Variants in FGFR2 observed in about 807,000 individuals in gnomAD.
The protein encoded by FGFR2 is fibroblast growth factor receptor 2.
FGFR2 carries 19 observed loss-of-function variants against 95.9 expected under a neutral mutation model. The observed-to-expected ratio is 0.20, with a 90% CI of 0.14 to 0.29. The LOEUF is 0.29. FGFR2 is among the 10% of genes least tolerant of loss of function. FGFR2 has a pLI of 1.00. For synonymous variants in FGFR2, 392 were observed against 393.3 expected (o/e 1.00, Z 0.04); for missense variants, 707 against 1,056.9 (o/e 0.67, Z 4.59).
Position 121,483,362 on chromosome 10 carries a change from A to T in FGFR2, c.2301+336T>A, listed in dbSNP as rs556088426. On this transcript the variant is annotated intron_variant, in intron 17 of 17. Coordinates refer to ENST00000358487, the MANE Select transcript of FGFR2 (RefSeq NM_000141.5). ...CAGAATCAAACTTGCACAGGAATCC[A>T]AGCTTTTTCCCATGCACACCAAAAT... Among the ~76,000 whole-genome samples the T allele has an allele frequency of 9.2e-5, 14 of 152,330 alleles. No individual in the cohort carries two copies. The South Asian group carries it at 2.9e-3, about 32-fold the overall frequency.
intron 6 of FGFR2, among the ~76,000 whole-genome samples, chr10:121,521,173 A>G (rs1039609552): frequency 1.3e-5 from 2 of 152,216 alleles, no homozygotes; most frequent in Non-Finnish European, 2.9e-5. Flanking sequence ...TTCTTAGCTT[A>G]TTCCAATATG....
intron 2 of FGFR2, among the ~76,000 whole-genome samples, chr10:121,576,205 A>G (rs1859727551): frequency 6.6e-6 from 1 of 152,184 alleles, no homozygotes; most frequent in Non-Finnish European, 1.5e-5. Context: ...AAATAAATAA[A>G]TAAATCGAGT....
chr10:121,524,929 C>T (rs1224325582), intron 6 of FGFR2, among the ~76,000 whole-genome samples: 1 of 152,168 alleles, frequency 6.6e-6, no homozygotes, highest in East Asian at 1.9e-4. Flanking sequence ...TATCTCTGGG[C>T]GAGAGACTAA....
rs1387680780 is a variant in FGFR2 at position 121,517,730 on chromosome 10, C to T, written c.940-267G>A. Among the ~76,000 whole-genome samples the T allele has an allele frequency of 6.6e-6, 1 of 152,088 alleles. No individual in the cohort carries two copies. The highest frequency in any genetic ancestry group is 2.1e-4 in the South Asian group (1 of 4,806). ...TGGAAAAAATCAACCCACAGAGGTCCGTTCTCTTGGCCTGTGCTTTGGTTT... is the reference window on the plus strand; with the variant it reads ...TGGAAAAAATCAACCCACAGAGGTCTGTTCTCTTGGCCTGTGCTTTGGTTT... On this transcript the variant is annotated intron_variant, in intron 7 of 17. Coordinates refer to ENST00000358487, the MANE Select transcript of FGFR2 (RefSeq NM_000141.5). The surrounding 1 kb of genome is among the most constrained non-coding windows in gnomAD (Gnocchi z 4.7).
chr10:121,596,506 A>T (rs1223234604), intron 1 of FGFR2: 1 of 193,444 alleles, frequency 5.2e-6, no homozygotes, highest in Non-Finnish European at 1.1e-5. Context: ...TAGATTTCAC[A>T]TCAGGAAAGT....
At chr10:121,544,581 T>C (rs1854239943) in intron 5 of FGFR2, among the ~76,000 whole-genome samples, 1 of 150,532 alleles carries the variant, frequency 6.6e-6, no homozygotes, top group Admixed American at 6.6e-5. Flanking sequence ...AAAGGAAAAA[T>C]ATCCTGATTT....
intron 2 of FGFR2, among the ~76,000 whole-genome samples, chr10:121,567,248 A>G (rs1405994705): frequency 6.6e-6 from 1 of 152,204 alleles, no homozygotes; most frequent in African/African-American, 2.4e-5. Context: ...CACCATCAAC[A>G]GCCACACAGG....
chr10:121,497,225 T>C (rs1434310644), intron 12 of FGFR2, among the ~76,000 whole-genome samples: 1 of 150,814 alleles, frequency 6.6e-6, no homozygotes, highest in Non-Finnish European at 1.5e-5. Context: ...TCCAAAATGA[T>C]AAATAAGCCC....
chr10:121,583,827 A>G (rs1158786989), intron 2 of FGFR2, among the ~76,000 whole-genome samples: 1 of 151,970 alleles, frequency 6.6e-6, no homozygotes, highest in African/African-American at 2.4e-5. Flanking sequence ...TCACCCAAAG[A>G]CCTGGGCCCA....
intron 2 of FGFR2, among the ~76,000 whole-genome samples, chr10:121,586,185 G>C (rs1289726931): frequency 6.6e-6 from 1 of 152,100 alleles, no homozygotes; most frequent in Non-Finnish European, 1.5e-5. Flanking sequence ...GGAGCTCAAG[G>C]GTTCGAAAAT....
chr10:121,528,049 C>T (rs1003756614), intron 6 of FGFR2: 1 of 152,166 alleles, frequency 6.6e-6, no homozygotes, highest in African/African-American at 2.4e-5. Flanking sequence ...TAGGTATACC[C>T]TCTTATTACA....
rs2433758 is a variant in FGFR2, at chr10:121,491,802, A to G, written c.1864-3689T>C. On this transcript the variant is annotated intron_variant, in intron 13 of 17. Transcript: ENST00000358487. ...GGAGAATCGCTAGAACCTGGGAGGCAGAGGCTGCAGTGAGCCGAGATAGCG... is the reference window on the plus strand; with the variant it reads ...GGAGAATCGCTAGAACCTGGGAGGCGGAGGCTGCAGTGAGCCGAGATAGCG... Among the ~76,000 whole-genome samples, 294 of 150,736 alleles carry G rather than the reference A, an allele frequency of 2.0e-3. 1 individual carries two copies. The highest frequency in any genetic ancestry group is 6.2e-3 in the African/African-American group (255 of 41,060).
intron 5 of FGFR2, among the ~76,000 whole-genome samples, chr10:121,546,011 T>C (rs1338377383): frequency 6.6e-6 from 1 of 152,082 alleles, no homozygotes; most frequent in Non-Finnish European, 1.5e-5. Context: ...CACTTCGAAG[T>C]GGCATAAAAG....
intron 9 of FGFR2, among the ~76,000 whole-genome samples, chr10:121,511,809 T>C (rs1325310253): frequency 1.3e-5 from 2 of 152,218 alleles, no homozygotes; most frequent in Admixed American, 1.3e-4. Flanking sequence ...TCACGCTTAC[T>C]AGGAAATGAT....
chr10:121,511,624 C>T (rs1187190612), intron 9 of FGFR2, among the ~76,000 whole-genome samples: 4 of 152,144 alleles, frequency 2.6e-5, no homozygotes, highest in Admixed American at 1.3e-4. Context: ...ACTCGCTGGG[C>T]ACCAAAGGAG....
At chr10:121,529,134 A>C (rs1314158534) in intron 6 of FGFR2, among the ~76,000 whole-genome samples, 1 of 151,934 alleles carries the variant, frequency 6.6e-6, no homozygotes, top group Non-Finnish European at 1.5e-5. Context: ...TTTGAGAAGG[A>C]GTCTCACTCT....
At chr10:121,560,237 C>A (rs771968881) in intron 4 of FGFR2, among the ~76,000 whole-genome samples, 1 of 152,102 alleles carries the variant, frequency 6.6e-6, no homozygotes, top group East Asian at 1.9e-4. Flanking sequence ...GTGGCATGGA[C>A]GGAACCAGCA....
intron 3 of FGFR2, among the ~76,000 whole-genome samples, 162 bp downstream of exon 3, chr10:121,565,276 C>T (rs761412650): frequency 2.0e-5 from 3 of 151,598 alleles, no homozygotes; most frequent in Non-Finnish European, 4.4e-5. Context: ...TCTTAATGAT[C>T]GGCCTTTCTG....
rs913414757 is a variant in FGFR2, at chr10:121,517,904, G to A, written c.940-441C>T. The A allele has an allele frequency of 1.4e-5, 5 of 357,378 alleles. No individual in the cohort carries two copies. Among genetic ancestry groups the A allele is most frequent in the South Asian group, 4.5e-5 (2 of 44,724 alleles). The allele number at this position is 357,378 out of a possible 1,614,324, so 22.1% of individuals were successfully genotyped here. ...AACACACTGCACATAAGCCCAGATG[G>A]ACACCTCACCCATCCTCCTGGCCCT... On this transcript the variant is annotated intron_variant, in intron 7 of 17. Transcript: ENST00000358487. This position sits in a 1 kb window ranked among gnomAD's most constrained non-coding sequence, Gnocchi z 4.7.
Sources: allele counts gnomAD v4.1 joint callset (sites outside exome capture counted in the v4.1 genomes callset), GRCh38; gene constraint gnomAD v4.1.1; non-coding constraint Gnocchi (gnomAD v3.1); transcripts MANE v1.5; gene names NCBI Gene and HGNC (gene_info 2026-07-23, HGNC 2026-07-21).